PDE4D: variants seen among roughly 807,000 people sequenced by gnomAD.
PDE4D encodes 3',5'-cyclic-AMP phosphodiesterase 4D.
In PDE4D, 24 loss-of-function variants were observed where a neutral mutation model predicts 87.4. The ratio of observed to expected loss-of-function variants is 0.27; its 90% CI spans 0.20 to 0.39. PDE4D has a LOEUF of 0.39. Ranked by LOEUF, PDE4D falls within the 10% of genes least tolerant of loss-of-function variation. PDE4D has a pLI of 1.00. For synonymous variants in PDE4D, 384 were observed against 383.2 expected, an observed-to-expected ratio of 1.00 and a Z score of -0.02; for missense variants, 714 against 1,041.0, an observed-to-expected ratio of 0.69 and a Z score of 4.32.
At chr5:60,253,954 A>G (rs1748759175) in intron 1 of PDE4D, among the ~76,000 whole-genome samples, 1 of 151,948 alleles carries the variant, frequency 6.6e-6, no homozygotes. Flanking sequence ...CAAAGCCATC[A>G]ACATATTATA....
intron 1 of PDE4D, among the ~76,000 whole-genome samples, chr5:59,784,263 AG>A (rs1561656952): frequency 6.6e-6 from 1 of 151,188 alleles, no homozygotes; most frequent in Non-Finnish European, 1.5e-5. Context: ...AAAAAAAAAA[AG>A]GGGATTGTGC....
chr5:60,415,660 T>TCGGGAC (rs1327401705), intron 1 of PDE4D, among the ~76,000 whole-genome samples: 2 of 152,210 alleles, frequency 1.3e-5, no homozygotes, highest in Non-Finnish European at 2.9e-5. Flanking sequence ...GGGGCAGGGC[T>TCGGGAC]CGGGACCTGC....
chr5:60,518,620 G>A (rs2150263902), intron 1 of PDE4D, among the ~76,000 whole-genome samples: 1 of 152,280 alleles, frequency 6.6e-6, no homozygotes, highest in South Asian at 2.1e-4. Flanking sequence ...CACACTCAAG[G>A]TAAACAGATG....
intron 1 of PDE4D, among the ~76,000 whole-genome samples, chr5:59,739,828 T>A (rs1159507399): frequency 6.6e-6 from 1 of 152,132 alleles, no homozygotes; most frequent in African/African-American, 2.4e-5. Context: ...CAATGTCCAA[T>A]ATGAAGAGAA....
chr5:59,535,006 A>T (rs966969201), intron 1 of PDE4D, among the ~76,000 whole-genome samples: 2 of 147,060 alleles, frequency 1.4e-5, no homozygotes, highest in African/African-American at 2.5e-5. Context: ...CTTATTCTGC[A>T]TTACTTATCC....
intron 3 of PDE4D, among the ~76,000 whole-genome samples, chr5:59,986,076 C>A (rs1762435461): frequency 6.6e-6 from 1 of 152,198 alleles, no homozygotes; most frequent in African/African-American, 2.4e-5. Context: ...TTTAGCAATA[C>A]ATTCTCTCTC....
intron 2 of PDE4D, among the ~76,000 whole-genome samples, chr5:60,132,454 T>C (rs182515449): frequency 6.6e-6 from 1 of 152,278 alleles, no homozygotes; most frequent in Admixed American, 6.5e-5. Flanking sequence ...CTTCCCTCAT[T>C]GTTAACGAAT....
intron 2 of PDE4D, among the ~76,000 whole-genome samples, chr5:60,091,919 C>T (rs994967535): frequency 7.5e-4 from 114 of 151,180 alleles, no homozygotes; most frequent in African/African-American, 2.5e-3. Context: ...GGCATGGTGG[C>T]GCGTGCCTGT....
rs148615129 is a variant in PDE4D, at chr5:59,543,586, C to T, written c.456-327618G>A. Among the ~76,000 whole-genome samples, 633 of 152,186 alleles carry T rather than the reference C, an allele frequency of 4.2e-3. 8 individuals are homozygous for T. The highest frequency in any genetic ancestry group is 0.014 in the African/African-American group (597 of 41,534). ...AGGACAGGTTTAGAGAGGTCAACTG[C>T]CTGCTGGTTCATTCAGAAAAGATTA... On this transcript the variant is annotated intron_variant, in intron 1 of 14. Coordinates refer to ENST00000340635, the MANE Select transcript of PDE4D (RefSeq NM_001104631.2).
intron 1 of PDE4D, among the ~76,000 whole-genome samples, chr5:60,216,092 C>G (rs1372723149): frequency 1.3e-5 from 2 of 152,052 alleles, no homozygotes; most frequent in African/African-American, 2.4e-5. Context: ...CCTATTTTAC[C>G]AACAGGAGCA....
chr5:60,442,676 C>A (rs1293738733), intron 1 of PDE4D, among the ~76,000 whole-genome samples: 1 of 151,740 alleles, frequency 6.6e-6, no homozygotes, highest in East Asian at 1.9e-4. Flanking sequence ...AAAGCAAAGC[C>A]TGGGTAACAG....
intron 6 of PDE4D, among the ~76,000 whole-genome samples, chr5:59,017,335 T>C (rs868214527): frequency 3.3e-5 from 5 of 152,052 alleles, no homozygotes; most frequent in African/African-American, 1.2e-4. Flanking sequence ...ACTGAAGAAA[T>C]GAGAAGAATC....
At chr5:59,623,342 C>T (rs778319760) in intron 1 of PDE4D, among the ~76,000 whole-genome samples, 2 of 152,146 alleles carry the variant, frequency 1.3e-5, no homozygotes, top group Non-Finnish European at 2.9e-5. Flanking sequence ...TACACCTAGG[C>T]CAAACTTTTT....
chr5:60,484,262 T>C (rs1748958712), intron 1 of PDE4D, among the ~76,000 whole-genome samples: 3 of 151,616 alleles, frequency 2.0e-5, no homozygotes, highest in South Asian at 4.2e-4. Flanking sequence ...GAGGAAAATA[T>C]GTCCTCTAAA....
intron 1 of PDE4D, among the ~76,000 whole-genome samples, chr5:59,517,868 A>G (rs939208855): frequency 2.3e-4 from 35 of 152,324 alleles, no homozygotes; most frequent in Admixed American, 1.6e-3. Flanking sequence ...TGCTCTTGAC[A>G]GTATTTTACA....
intron 1 of PDE4D, among the ~76,000 whole-genome samples, chr5:59,750,195 T>C (rs1760233111): frequency 6.6e-6 from 1 of 151,660 alleles, no homozygotes; most frequent in Non-Finnish European, 1.5e-5. Context: ...GCTTCCATTT[T>C]CCCCACATCT....
chr5:60,232,710 T>C (rs577137762), intron 1 of PDE4D, among the ~76,000 whole-genome samples: 1 of 151,938 alleles, frequency 6.6e-6, no homozygotes, highest in East Asian at 1.9e-4. Context: ...GTTCTAACTG[T>C]TCACAAAACA....
intron 5 of PDE4D, among the ~76,000 whole-genome samples, chr5:59,073,138 T>C (rs892734374): frequency 6.6e-6 from 1 of 152,356 alleles, no homozygotes. Flanking sequence ...GTATGAAGCA[T>C]CATCTCTCTG....
chr5:60,282,249 G>A (rs1018505131), intron 1 of PDE4D, among the ~76,000 whole-genome samples: 1 of 127,434 alleles, frequency 7.8e-6, no homozygotes, highest in East Asian at 2.4e-4. Context: ...TTCTCAAAAT[G>A]AGCTCTATTT....
Sources: gnomAD v4.1 joint callset for allele counts (sites outside exome capture counted in the v4.1 genomes callset) on GRCh38, gnomAD v4.1.1 for gene constraint, MANE v1.5 for transcripts, NCBI Gene and HGNC (gene_info 2026-07-23, HGNC 2026-07-21) for gene names.